The following THRB variants were observed in gnomAD, a reference collection of about 807,000 sequenced individuals.
THRB encodes nuclear receptor subfamily 1 group A member 2.
A neutral mutation model predicts 47.8 loss-of-function variants in THRB; 12 were observed. That is an observed-to-expected ratio of 0.25 (90% confidence interval 0.16 to 0.41). THRB has a LOEUF of 0.41. Ranked by LOEUF, THRB falls within the 10% of genes least tolerant of loss-of-function variation. The probability of loss-of-function intolerance (pLI) is 1.00; values close to 1 mark genes in which losing one functional copy is unlikely to be tolerated. For synonymous variants in THRB, 218 were observed against 212.2 expected, an observed-to-expected ratio of 1.03 and a Z score of -0.24; for missense variants, 348 against 589.2, an observed-to-expected ratio of 0.59 and a Z score of 4.24.
intron 5 of THRB, among the ~76,000 whole-genome samples, chr3:24,163,545 C>A (rs2039208153): frequency 1.3e-5 from 2 of 152,154 alleles, no homozygotes; most frequent in South Asian, 4.1e-4. Flanking sequence ...TACAACACTA[C>A]AAAAGGCATA....
chr3:24,234,203 C>G (rs2048637429), intron 3 of THRB, among the ~76,000 whole-genome samples: 1 of 152,112 alleles, frequency 6.6e-6, no homozygotes, highest in Admixed American at 6.5e-5. Flanking sequence ...TTAATTATAT[C>G]ACTTGCCCCT....
Position 24,212,943 on chromosome 3 carries a change from C to G in THRB, c.22+15995G>C, listed in dbSNP as rs77766471. On this transcript the variant is annotated intron_variant, in intron 4 of 10. Transcript: ENST00000646209. ...CAGATGATTCCTTCTGCCAAGATAA[C>G]TGGCAGACGTTCTAAACCAGTGTGC... 6.5e-3 allele frequency among the ~76,000 whole-genome samples: 991 copies of G among 152,320 alleles called. 5 individuals carry two copies. Among genetic ancestry groups the G allele is most frequent in the Non-Finnish European group, 8.2e-3 (556 of 68,034 alleles).
intron 3 of THRB, among the ~76,000 whole-genome samples, chr3:24,250,473 G>T (rs6770781): frequency 0.12 from 18,764 of 152,208 alleles, 1,229 homozygotes; most frequent in African/African-American, 0.16. Flanking sequence ...GAGGCAGGAG[G>T]ATTGCTTGAG....
intron 1 of THRB, among the ~76,000 whole-genome samples, chr3:24,436,519 C>T (rs914568295): frequency 1.3e-5 from 2 of 152,072 alleles, no homozygotes; most frequent in Non-Finnish European, 2.9e-5. Flanking sequence ...TTCTCAAGTT[C>T]GAAAAAGTGT....
intron 3 of THRB, among the ~76,000 whole-genome samples, chr3:24,269,407 A>T: frequency 2.0e-5 from 1 of 49,832 alleles, no homozygotes; most frequent in African/African-American, 8.5e-5. Context: ...GCGCGCGCAC[A>T]CACACACACA....
At position 24,374,491 on chromosome 3, in the gene THRB, G is replaced by A. The variant is rs192195644; in HGVS notation, c.-260-37120C>T. On this transcript the variant is annotated intron_variant, in intron 1 of 10. Coordinates refer to ENST00000646209, the MANE Select transcript of THRB (RefSeq NM_001354712.2). ...GTATTTACAATGTTGTTTTAAAGACGACTAAAATGTTACATAACTTCTTGT... is the reference window on the plus strand; with the variant it reads ...GTATTTACAATGTTGTTTTAAAGACAACTAAAATGTTACATAACTTCTTGT... 2.8e-4 allele frequency among the ~76,000 whole-genome samples: 43 copies of A among 152,058 alleles called. No individual in the cohort carries two copies. In the East Asian group the frequency reaches 5.4e-3, roughly 19 times the overall value.
chr3:24,269,377 C>T (rs1474776623), intron 3 of THRB, among the ~76,000 whole-genome samples: 2 of 136,688 alleles, frequency 1.5e-5, no homozygotes, highest in South Asian at 4.8e-4. Context: ...CATAGCTCAT[C>T]ATAGCTCACA....
chr3:24,465,480 G>T (rs555614442), intron 1 of THRB, among the ~76,000 whole-genome samples: 1 of 152,034 alleles, frequency 6.6e-6, no homozygotes, highest in African/African-American at 2.4e-5. Flanking sequence ...TCGGCTCACT[G>T]CAACCTCCAA....
rs188532014 is a variant in THRB, at chr3:24,485,159, G to A, written c.-261+9493C>T. 2.5e-3 allele frequency among the ~76,000 whole-genome samples: 382 copies of A among 152,312 alleles called. 1 individual carries two copies. Among genetic ancestry groups the A allele is most frequent in the Non-Finnish European group, 4.1e-3 (276 of 68,034 alleles). Reference sequence around the variant, plus strand: ...AAACACGTTCCTGTCAGACAGAGGAGCTATAGGCATGTACATACAATGGCA... The same window carrying A: ...AAACACGTTCCTGTCAGACAGAGGAACTATAGGCATGTACATACAATGGCA... On this transcript the variant is annotated intron_variant, in intron 1 of 10. Coordinates refer to ENST00000646209, the MANE Select transcript of THRB (RefSeq NM_001354712.2).
At chr3:24,454,853 T>A (rs369945349) in intron 1 of THRB, among the ~76,000 whole-genome samples, 1 of 152,160 alleles carries the variant, frequency 6.6e-6, no homozygotes, top group East Asian at 1.9e-4. Context: ...TAAACATCCT[T>A]TCCACGATCA....
intron 2 of THRB, among the ~76,000 whole-genome samples, chr3:24,314,949 A>T (rs568646970): frequency 6.6e-6 from 1 of 152,322 alleles, no homozygotes; most frequent in South Asian, 2.1e-4. Context: ...AAGTTTAAAA[A>T]ACACAGGATT....
chr3:24,173,045 A>G (rs1367280445), intron 5 of THRB, among the ~76,000 whole-genome samples: 1 of 152,190 alleles, frequency 6.6e-6, no homozygotes, highest in African/African-American at 2.4e-5. Context: ...GTGATTCTCA[A>G]ATGGTGGTTT....
At chr3:24,437,628 T>G (rs1034785675) in intron 1 of THRB, among the ~76,000 whole-genome samples, 2 of 152,030 alleles carry the variant, frequency 1.3e-5, no homozygotes, top group Non-Finnish European at 2.9e-5. Context: ...AAAGACCACA[T>G]GTACAAAAAT....
chr3:24,125,112 T>C (rs1438122027), intron 10 of THRB, among the ~76,000 whole-genome samples: 1 of 152,026 alleles, frequency 6.6e-6, no homozygotes, highest in Non-Finnish European at 1.5e-5. Flanking sequence ...TGCTTAATAA[T>C]CTGTTAAACT....
At chr3:24,402,499 C>CTTTTTTTTT (rs60751951) in intron 1 of THRB, among the ~76,000 whole-genome samples, 3 of 134,814 alleles carry the variant, frequency 2.2e-5, no homozygotes, top group Non-Finnish European at 4.7e-5. Context: ...TTCTTTCTTC[C>CTTTTTTTTT]TTTTTTTTTT....
intron 10 of THRB, among the ~76,000 whole-genome samples, chr3:24,123,958 C>A (rs1311306115): frequency 6.6e-6 from 1 of 152,112 alleles, no homozygotes; most frequent in Non-Finnish European, 1.5e-5. Flanking sequence ...GGAGGCTGGG[C>A]AACTGGGGAA....
intron 1 of THRB, among the ~76,000 whole-genome samples, chr3:24,417,144 A>G (rs1404045821): frequency 7.7e-6 from 1 of 129,632 alleles, no homozygotes; most frequent in African/African-American, 2.7e-5. Context: ...ACACACGCGC[A>G]ACGCGTTATG....
In THRB at chr3:24,127,480, C is replaced by CACAGGT. The variant is rs796887899; in HGVS notation, c.1144+18_1144+19insACCTGT. 12 of 1,614,016 alleles carry CACAGGT rather than the reference C, an allele frequency of 7.4e-6. No individual in the cohort carries two copies. Among genetic ancestry groups the CACAGGT allele is most frequent in the Middle Eastern group, 1.7e-4 (1 of 6,058 alleles). On this transcript the variant is annotated intron_variant, in intron 10 of 10. Coordinates refer to ENST00000646209, the MANE Select transcript of THRB (RefSeq NM_001354712.2). ...CAAAAGCTCTTTGGATGCCCACTAA[C>CACAGGT]GAGTCTAGGCGTACTCACCTGAAGA...
intron 2 of THRB, among the ~76,000 whole-genome samples, chr3:24,319,368 C>T (rs983683982): frequency 3.3e-5 from 5 of 152,144 alleles, no homozygotes; most frequent in Non-Finnish European, 5.9e-5. Context: ...TATCCATGTA[C>T]TCAATACTAC....
Sources: gnomAD v4.1 joint callset for allele counts (sites outside exome capture counted in the v4.1 genomes callset) on GRCh38, gnomAD v4.1.1 for gene constraint, MANE v1.5 for transcripts, NCBI Gene and HGNC (gene_info 2026-07-23, HGNC 2026-07-21) for gene names.